The following SYT1 variants were observed in gnomAD, a reference collection of about 807,000 sequenced individuals.
The protein encoded by SYT1 is synaptotagmin-1.
SYT1 carries 8 observed loss-of-function variants against 44.8 expected under a neutral mutation model. The observed-to-expected ratio is 0.18, with a 90% CI of 0.10 to 0.32. The LOEUF is 0.32. Ranked by LOEUF, SYT1 falls within the 10% of genes least tolerant of loss-of-function variation. The pLI, the probability that SYT1 is intolerant of heterozygous loss-of-function variation, is 1.00. For missense variants in SYT1, 286 were observed against 509.3 expected, an observed-to-expected ratio of 0.56 and a Z score of 4.22; for synonymous variants, 154 against 188.8, an observed-to-expected ratio of 0.82 and a Z score of 1.51.
intron 7 of SYT1, among the ~76,000 whole-genome samples, chr12:79,298,222 A>C (rs1488351735): frequency 1.3e-5 from 2 of 152,098 alleles, no homozygotes; most frequent in East Asian, 3.9e-4. Flanking sequence ...ACTCTAAAAA[A>C]TTTTGTTTCT....
In SYT1 at chr12:79,449,335, C is replaced by G. The variant is rs1012432427; in HGVS notation, c.*211C>G. On this transcript the variant is annotated 3_prime_UTR_variant, in exon 11 of 11. Coordinates refer to ENST00000261205, the MANE Select transcript of SYT1 (RefSeq NM_005639.3). ...ACCACTGCCCTCCAAATCTACTCTTCTTTTAAGCAATATGATGTGTAGATA... is the reference window on the plus strand; with the variant it reads ...ACCACTGCCCTCCAAATCTACTCTTGTTTTAAGCAATATGATGTGTAGATA... 1.8e-6 allele frequency: 1 copy of G among 568,204 alleles called. No individual in the cohort carries two copies. The highest frequency in any genetic ancestry group is 3.1e-6 in the Non-Finnish European group (1 of 319,930). The allele number at this position is 568,204 out of a possible 1,614,324, so 35.2% of individuals were successfully genotyped here. A position where few individuals can be genotyped will look rare whatever the true frequency, so the allele number is the denominator to read the frequency against.
intron 5 of SYT1, among the ~76,000 whole-genome samples, chr12:79,289,777 G>A (rs7300645): frequency 3.3e-5 from 5 of 151,812 alleles, no homozygotes; most frequent in South Asian, 2.1e-4. Flanking sequence ...GCAAATTACC[G>A]AAGCTGCAAT....
At chr12:78,966,120 CTT>C (rs990059497) in intron 1 of SYT1, among the ~76,000 whole-genome samples, 23 of 151,048 alleles carry the variant, frequency 1.5e-4, no homozygotes, top group Admixed American at 9.2e-4. Context: ...ATATAATTGA[CTT>C]TTATTAATTC....
intron 8 of SYT1, among the ~76,000 whole-genome samples, chr12:79,327,479 C>T (rs1022524399): frequency 4.6e-5 from 7 of 152,208 alleles, no homozygotes; most frequent in Non-Finnish European, 7.3e-5. Context: ...TACCCATGCC[C>T]TATTTCCTTC....
intron 1 of SYT1, among the ~76,000 whole-genome samples, chr12:78,949,046 C>T (rs1878821597): frequency 6.6e-6 from 1 of 150,872 alleles, no homozygotes; most frequent in Non-Finnish European, 1.5e-5. Flanking sequence ...TCACTGCTTT[C>T]TTTAGTCATA....
chr12:79,148,412 G>A (rs2138247910), intron 3 of SYT1, among the ~76,000 whole-genome samples: 1 of 152,106 alleles, frequency 6.6e-6, no homozygotes, highest in African/African-American at 2.4e-5. Context: ...ATGTTAAATT[G>A]CTATCTGGTC....
chr12:79,078,756 C>A (rs183917544), intron 3 of SYT1, among the ~76,000 whole-genome samples: 35 of 152,216 alleles, frequency 2.3e-4, no homozygotes, highest in African/African-American at 8.4e-4. Context: ...TATGAAAAAA[C>A]TGCCTTTTAA....
chr12:78,884,387 A>G (rs935606287), intron 1 of SYT1, among the ~76,000 whole-genome samples: 2 of 151,506 alleles, frequency 1.3e-5, no homozygotes, highest in Admixed American at 1.3e-4. Context: ...GTGATTTTTT[A>G]CTCTAAGCTA....
chr12:79,111,603 A>T (rs747074391), intron 3 of SYT1, among the ~76,000 whole-genome samples: 1 of 152,104 alleles, frequency 6.6e-6, no homozygotes, highest in African/African-American at 2.4e-5. Context: ...ATTTCAAAGT[A>T]TCTCACAGTT....
intron 9 of SYT1, among the ~76,000 whole-genome samples, chr12:79,366,896 G>C (rs1471887958): frequency 2.7e-3 from 94 of 34,302 alleles, no homozygotes; most frequent in African/African-American, 0.01. Context: ...AAATAATACT[G>C]TGTGTGTGTG....
chr12:79,319,457 A>G (rs7316777), intron 8 of SYT1, among the ~76,000 whole-genome samples: 47,452 of 152,046 alleles, frequency 0.31, 7,733 homozygotes, highest in East Asian at 0.58. Context: ...TTGTCTGACC[A>G]TAAGGTTCTT....
chr12:79,022,641 T>C (rs1362437625), intron 2 of SYT1, among the ~76,000 whole-genome samples: 1 of 151,552 alleles, frequency 6.6e-6, no homozygotes, highest in African/African-American at 2.4e-5. Flanking sequence ...TGTTACATGT[T>C]AGAGGTTTAT....
At chr12:79,440,818 T>C (rs1386453891) in intron 9 of SYT1, among the ~76,000 whole-genome samples, 1 of 152,176 alleles carries the variant, frequency 6.6e-6, no homozygotes, top group Admixed American at 6.5e-5. Context: ...ATGTGACTCA[T>C]AGGCAGGTGT....
intron 3 of SYT1, among the ~76,000 whole-genome samples, chr12:79,076,449 A>G (rs987068071): frequency 6.6e-5 from 10 of 152,132 alleles, no homozygotes. Context: ...ATAATATACT[A>G]TTTTATATGT....
chr12:79,175,415 G>A lies in SYT1; in HGVS notation c.-17-42088G>A, dbSNP rs1871797390. Among the ~76,000 whole-genome samples, 5 of 152,012 alleles carry A rather than the reference G, an allele frequency of 3.3e-5. No homozygotes were observed. In the South Asian group the frequency reaches 1.0e-3, roughly 32 times the overall value. Reference sequence around the variant, plus strand: ...AGGTCATAATGAGCAAACTTAAATGGGAAACATTAATTTGGCAGCTGACAA... The same window carrying A: ...AGGTCATAATGAGCAAACTTAAATGAGAAACATTAATTTGGCAGCTGACAA... On this transcript the variant is annotated intron_variant, in intron 3 of 10. Transcript: ENST00000261205.
chr12:79,094,702 T>A (rs1015250539), intron 3 of SYT1, among the ~76,000 whole-genome samples: 1 of 151,866 alleles, frequency 6.6e-6, no homozygotes, highest in Non-Finnish European at 1.5e-5. Context: ...TAAATAGCTT[T>A]TTTTCCCTGA....
At chr12:79,440,332 T>G (rs1413202868) in intron 9 of SYT1, among the ~76,000 whole-genome samples, 1 of 152,232 alleles carries the variant, frequency 6.6e-6, no homozygotes, top group Non-Finnish European at 1.5e-5. Flanking sequence ...TAAATGACAT[T>G]GAAGACGGGG....
intron 8 of SYT1, among the ~76,000 whole-genome samples, chr12:79,332,694 T>G (rs920629493): frequency 6.6e-6 from 1 of 152,218 alleles, no homozygotes; most frequent in African/African-American, 2.4e-5. Flanking sequence ...CATCTTTGAA[T>G]TGGTTCTTTT....
chr12:79,346,689 A>C (rs1486919611), intron 8 of SYT1, among the ~76,000 whole-genome samples: 1 of 152,162 alleles, frequency 6.6e-6, no homozygotes, highest in Non-Finnish European at 1.5e-5. Flanking sequence ...ACAAAGGAGG[A>C]GCTCCAAACA....
Sources: gnomAD v4.1 joint callset for allele counts (sites outside exome capture counted in the v4.1 genomes callset) on GRCh38, gnomAD v4.1.1 for gene constraint, MANE v1.5 for transcripts, NCBI Gene and HGNC (gene_info 2026-07-23, HGNC 2026-07-21) for gene names.